The following TERT variants were observed in gnomAD, a reference collection of about 807,000 sequenced individuals.
The protein encoded by TERT is telomerase catalytic subunit.
In TERT, 42 loss-of-function variants were observed where a neutral mutation model predicts 104.0. The observed-to-expected ratio is 0.40, with a 90% CI of 0.32 to 0.52. The LOEUF is 0.52. TERT is among the 20% of genes least tolerant of loss of function. The pLI is 0.43. For synonymous variants in TERT, 781 were observed against 725.6 expected (o/e 1.08, Z -1.23); for missense variants, 1,101 against 1,610.3 (o/e 0.68, Z 5.41).
At chr5:1,291,457 T>G (rs367636656) in intron 2 of TERT, among the ~76,000 whole-genome samples, 11 of 35,648 alleles carry the variant, frequency 3.1e-4, no homozygotes, top group South Asian at 9.1e-4. Context: ...ACCCTACACG[T>G]GACAGGGACA....
rs1454007851 is a variant in TERT at position 1,260,525 on chromosome 5, T to C, written c.2919A>G (p.Lys973=). The part of the protein sequence containing the change: ...GFKAGRNMRR[K]LFGVLRLKCH... ...ACTTCAGCCGCAAGACCCCAAAGAG[T>C]TTGCGACGCATGTTCCTCCCAGCCT... The change falls in exon 12 of 16, where the codon AAA becomes AAG. Residue 973 remains lysine (K), a synonymous_variant. Transcript: ENST00000310581. 2 of 1,613,758 alleles carry C rather than the reference T, an allele frequency of 1.2e-6. No individual in the cohort carries two copies. The highest frequency in any genetic ancestry group is 1.7e-6 in the Non-Finnish European group (2 of 1,179,954).
At chr5:1,272,674 TCACCACACATCAGACCCCAC>T in intron 6 of TERT, among the ~76,000 whole-genome samples, 1 of 63,786 alleles carries the variant, frequency 1.6e-5, no homozygotes, top group Non-Finnish European at 3.5e-5. Flanking sequence ...CCATCCACAG[TCACCACACATCAGACCCCAC>T]GACCGCCATC....
chr5:1,280,393 A>G, intron 3 of TERT, 55 bp from the exon 4 acceptor site: 1 of 1,577,938 alleles, frequency 6.3e-7, no homozygotes, highest in Non-Finnish European at 8.6e-7. Flanking sequence ...GACTAGGGGG[A>G]AGCTCACGGG....
At chr5:1,271,882 T>C (rs912810606) in intron 7 of TERT, among the ~76,000 whole-genome samples, 4 of 152,218 alleles carry the variant, frequency 2.6e-5, no homozygotes, top group African/African-American at 9.6e-5. Context: ...CACCTTTCCT[T>C]TGGCCTCAAG....
chr5:1,254,399 G>T lies in TERT; in HGVS notation c.3264C>A (p.Thr1088=), dbSNP rs1747562502. ...FLLKLTRHRV[T]YVPLLGSLRT... is the part of the protein sequence containing the mutation. ...TGAGTGACCCCAGGAGTGGCACGTA[G>T]GTGACACGGTGTCGAGTCAGCTTGA... The change falls in exon 15 of 16, where the codon ACC becomes ACA. Residue 1088 remains threonine (T), a synonymous_variant. Coordinates refer to ENST00000310581, the MANE Select transcript of TERT (RefSeq NM_198253.3). The T allele has an allele frequency of 6.2e-7, 1 of 1,613,272 alleles. No individual in the cohort carries two copies. The highest frequency in any genetic ancestry group is 1.1e-5 in the South Asian group (1 of 91,088).
chr5:1,264,414 C>A lies in TERT; in HGVS notation c.2833G>T (p.Asp945Tyr). ...GCCAGGTGCGCTCACCTGGAGTAGT[C>A]GCTCTGCACCTCCAGGGTCCGGGTA... ...LDTRTLEVQS[D>Y]YSSYARTSIR... Residue 945 changes from aspartate to tyrosine, a missense_variant, in exon 11 of 16, where the codon GAC becomes TAC. By Grantham distance (160) the Asp-to-Tyr change is radical. Coordinates refer to ENST00000310581, the MANE Select transcript of TERT (RefSeq NM_198253.3). The A allele has an allele frequency of 6.2e-7, 1 of 1,612,676 alleles. No homozygotes were observed. The highest frequency in any genetic ancestry group is 8.5e-7 in the Non-Finnish European group (1 of 1,179,800).
At chr5:1,271,707 G>A (rs1402620124) in intron 7 of TERT, among the ~76,000 whole-genome samples, 6 of 152,224 alleles carry the variant, frequency 3.9e-5, no homozygotes, top group Non-Finnish European at 7.3e-5. Flanking sequence ...ACAGGGCCAC[G>A]TGGACAGACC....
chr5:1,279,091 G>A (rs1273496615), intron 5 of TERT, among the ~76,000 whole-genome samples, 200 bp downstream of exon 5: 1 of 152,204 alleles, frequency 6.6e-6, no homozygotes, highest in Non-Finnish European at 1.5e-5. Context: ...GGGCAGTCAG[G>A]GTGCACAGTC....
At chr5:1,259,683 G>A (rs1332133474) in intron 12 of TERT, among the ~76,000 whole-genome samples, 1 of 131,946 alleles carries the variant, frequency 7.6e-6, no homozygotes, top group East Asian at 2.5e-4. Context: ...GAGGGGGAGT[G>A]GACACGGACG....
In TERT at chr5:1,270,474, T is replaced by G. The variant is rs1050979749; in HGVS notation, c.2468+645A>C. ...GGGAGGTGTGTGGTTTTACTTAAAATCCAGAGGACGTGATGTGGCACCAGG... is the reference window on the plus strand; with the variant it reads ...GGGAGGTGTGTGGTTTTACTTAAAAGCCAGAGGACGTGATGTGGCACCAGG... On this transcript the variant is annotated intron_variant, in intron 8 of 15. Transcript: ENST00000310581. The surrounding 1 kb of genome is among the most constrained non-coding windows in gnomAD (Gnocchi z 8.3). Among the ~76,000 whole-genome samples the G allele has an allele frequency of 2.6e-5, 4 of 152,110 alleles. No individual in the cohort carries two copies. The highest frequency in any genetic ancestry group is 2.0e-4 in the Admixed American group (3 of 15,278).
In TERT at chr5:1,255,866, G is replaced by A. The variant is rs891837482; in HGVS notation, c.3033-455C>T. 1.3e-5 allele frequency among the ~76,000 whole-genome samples: 2 copies of A among 151,832 alleles called. No individual in the cohort carries two copies. Among genetic ancestry groups the A allele is most frequent in the African/African-American group, 2.4e-5 (1 of 41,306 alleles). ...CCTGCGCATCCCTTCTGAGCCACCC[G>A]CCCCTGTGGTGCATAAACCCTGGGT... On this transcript the variant is annotated intron_variant, in intron 13 of 15. Coordinates refer to ENST00000310581, the MANE Select transcript of TERT (RefSeq NM_198253.3). The surrounding 1 kb of genome is among the most constrained non-coding windows in gnomAD (Gnocchi z 6.9).
Position 1,274,707 on chromosome 5 carries a change from G to A in TERT, c.2287-2427C>T, listed in dbSNP as rs569096184. Among the ~76,000 whole-genome samples, 44 of 152,330 alleles carry A rather than the reference G, an allele frequency of 2.9e-4. No individual in the cohort carries two copies. The highest frequency in any genetic ancestry group is 3.4e-3 in the Middle Eastern group (1 of 294). On this transcript the variant is annotated intron_variant, in intron 6 of 15. Transcript: ENST00000310581. The surrounding 1 kb of genome is among the most constrained non-coding windows in gnomAD (Gnocchi z 5.3). ...CACCCCACCTAGCCTCCCGCTGTGC[G>A]CCGGGTTCCTAACAGGCCCCAGACC... is the stretch of plus-strand genomic sequence containing the variant.
At position 1,261,812 on chromosome 5, in the gene TERT, G is replaced by A. The variant is rs561805290; in HGVS notation, c.2844-1212C>T. Among the ~76,000 whole-genome samples, 23 of 152,304 alleles carry A rather than the reference G, an allele frequency of 1.5e-4. No individual in the cohort carries two copies. Among genetic ancestry groups the A allele is most frequent in the African/African-American group, 4.1e-4 (17 of 41,554 alleles). On this transcript the variant is annotated intron_variant, in intron 11 of 15. Coordinates refer to ENST00000310581, the MANE Select transcript of TERT (RefSeq NM_198253.3). The surrounding 1 kb of genome is among the most constrained non-coding windows in gnomAD (Gnocchi z 7.4). Reference sequence around the variant, plus strand: ...GGTCCTCGGGCAGAGCAAGGGCCCCGGAGCAGGAGGCCAGGCTGCAATCAT... The same window carrying A: ...GGTCCTCGGGCAGAGCAAGGGCCCCAGAGCAGGAGGCCAGGCTGCAATCAT...
chr5:1,283,185 C>T (rs1424981854), intron 2 of TERT, among the ~76,000 whole-genome samples: 1 of 145,776 alleles, frequency 6.9e-6, no homozygotes, highest in East Asian at 2.1e-4. Context: ...AGACCTGCAC[C>T]ATCCGGACAC....
At chr5:1,277,530 G>A (rs1276084507) in intron 6 of TERT, among the ~76,000 whole-genome samples, 3 of 151,764 alleles carry the variant, frequency 2.0e-5, no homozygotes, top group Non-Finnish European at 4.4e-5. Flanking sequence ...TGGAGACCGG[G>A]AGAGGGAGAC....
intron 13 of TERT, among the ~76,000 whole-genome samples, chr5:1,258,065 C>A (rs2126571433): frequency 6.6e-6 from 1 of 152,352 alleles, no homozygotes; most frequent in Middle Eastern, 3.4e-3. Flanking sequence ...ACCCCCTGAC[C>A]AGCCAGGACA....
rs772311888 is a variant in TERT at position 1,253,797 on chromosome 5, C to T, written c.3330G>A (p.Thr1110=). ...CTGCGGCCTCCAGGGCAGTCAGCGTCGTCCCCGGGAGCTTCCGACTCAGCT... is the reference window on the plus strand; with the variant it reads ...CTGCGGCCTCCAGGGCAGTCAGCGTTGTCCCCGGGAGCTTCCGACTCAGCT... ...QTQLSRKLPG[T]TLTALEAAAN... Residue 1110 remains threonine (T), a synonymous_variant, in exon 16 of 16, where the codon ACG becomes ACA. Coordinates refer to ENST00000310581, the MANE Select transcript of TERT (RefSeq NM_198253.3). 1.5e-5 allele frequency: 24 copies of T among 1,611,654 alleles called. No individual in the cohort carries two copies. The East Asian group carries it at 1.8e-4, about 12-fold the overall frequency.
At chr5:1,290,237 A>G (rs1750800214) in intron 2 of TERT, among the ~76,000 whole-genome samples, 1 of 63,020 alleles carries the variant, frequency 1.6e-5, no homozygotes, top group African/African-American at 1.2e-4. Flanking sequence ...CTCACCCTAC[A>G]CGTGACAGGG....
Position 1,253,298 on chromosome 5 carries a change from C to G in TERT, c.*430G>C, listed in dbSNP as rs1466741131. On this transcript the variant is annotated 3_prime_UTR_variant, in exon 16 of 16. Coordinates refer to ENST00000310581, the MANE Select transcript of TERT (RefSeq NM_198253.3). The stretch of plus-strand genomic sequence containing the variant: ...TGTACAGGGCACACCTTTGGTCACT[C>G]CAAATTCCCAGAGCTCCCAGGGTCC... 1 of 380,884 alleles carries G rather than the reference C, an allele frequency of 2.6e-6. No homozygotes were observed. Among genetic ancestry groups the G allele is most frequent in the African/African-American group, 2.0e-5 (1 of 50,170 alleles). 23.6% of individuals were successfully genotyped at this position (380,884 alleles called of 1,614,324 possible). A position where few individuals can be genotyped will look rare whatever the true frequency, so the allele number is the denominator to read the frequency against.
Sources: gnomAD v4.1 joint callset for allele counts (sites outside exome capture counted in the v4.1 genomes callset) on GRCh38, gnomAD v4.1.1 for gene constraint, Gnocchi (gnomAD v3.1) non-coding constraint, MANE v1.5 for transcripts, NCBI Gene and HGNC (gene_info 2026-07-23, HGNC 2026-07-21) for gene names.